The following FARSB variants were observed in gnomAD, a reference collection of about 807,000 sequenced individuals.
The protein encoded by FARSB is phenylalanine--tRNA ligase beta subunit.
FARSB carries 40 observed loss-of-function variants against 69.6 expected under a neutral mutation model. That is an observed-to-expected ratio of 0.57 (90% CI 0.45 to 0.75). FARSB has a LOEUF of 0.75. Ranked by LOEUF, FARSB falls within the 30% of genes least tolerant of loss-of-function variation. FARSB has a pLI of 0.00. For missense variants in FARSB, 632 were observed against 722.9 expected, an observed-to-expected ratio of 0.87 and a Z score of 1.44; for synonymous variants, 235 against 247.2, an observed-to-expected ratio of 0.95 and a Z score of 0.46.
At chr2:222,587,309 T>C (rs1490781381) in intron 16 of FARSB, among the ~76,000 whole-genome samples, 1 of 152,100 alleles carries the variant, frequency 6.6e-6, no homozygotes, top group Non-Finnish European at 1.5e-5. Flanking sequence ...TTGAAACCAA[T>C]GAGAACAAAG....
Position 222,571,978 on chromosome 2 carries a change from C to G in FARSB, c.1663G>C (p.Gly555Arg). 2.5e-6 allele frequency: 4 copies of G among 1,613,820 alleles called. No homozygotes were observed. The South Asian group carries it at 3.3e-5, about 13-fold the overall frequency. Residue 555 changes from glycine (G) to arginine (R), a missense_variant, in exon 17 of 17, where the codon GGT (glycine) becomes CGT (arginine). By Grantham distance (125) the Gly-to-Arg change is moderately radical. Transcript: ENST00000281828. ...ACCCCAAGCTTCCCGACGCTTTGAC[C>G]CCTGGCAAAGATCTCTGCACATCGC... Reference protein sequence around the residue: ...PGRCAEIFARGQSVGKLGVLH... With the variant: ...PGRCAEIFARRQSVGKLGVLH...
intron 15 of FARSB, among the ~76,000 whole-genome samples, chr2:222,601,474 C>A (rs1175141191): frequency 6.6e-6 from 1 of 151,328 alleles, no homozygotes; most frequent in Admixed American, 6.6e-5. Flanking sequence ...ATAAATATAG[C>A]CATAAGCCAA....
chr2:222,628,977 G>A, intron 9 of FARSB, 89 bp from the exon 10 acceptor site: 1 of 899,714 alleles, frequency 1.1e-6, no homozygotes, highest in Non-Finnish European at 1.8e-6. Context: ...CTTTCATTTG[G>A]GCTACAACTA....
At chr2:222,575,011 T>C (rs1186603897) in intron 16 of FARSB, among the ~76,000 whole-genome samples, 2 of 152,168 alleles carry the variant, frequency 1.3e-5, no homozygotes, top group Non-Finnish European at 2.9e-5. Context: ...CAAACCAAAC[T>C]TTGCAGGCAG....
intron 16 of FARSB, among the ~76,000 whole-genome samples, chr2:222,583,650 CTT>C (rs930946870): frequency 1.3e-5 from 2 of 152,102 alleles, no homozygotes; most frequent in Non-Finnish European, 2.9e-5. Context: ...ACAAGTGACT[CTT>C]TGCTATTGAT....
In FARSB at chr2:222,624,445, T is replaced by G; in HGVS notation, c.997A>C (p.Arg333=). 6.2e-7 allele frequency: 1 copy of G among 1,613,454 alleles called. No homozygotes were observed. The highest frequency in any genetic ancestry group is 8.5e-7 in the Non-Finnish European group (1 of 1,179,380). Reference sequence around the variant, plus strand: ...ATGACTTCTGATTTTAAATACATCCTGGTCAGAAGTTTGGCAAGATTTTCT... The same window carrying G: ...ATGACTTCTGATTTTAAATACATCCGGGTCAGAAGTTTGGCAAGATTTTCT... The part of the protein sequence containing the change: ...TPENLAKLLT[R]MYLKSEVIGD... Residue 333 remains arginine, a synonymous_variant, in exon 12 of 17, where the codon AGG becomes CGG. Transcript: ENST00000281828.
intron 13 of FARSB, among the ~76,000 whole-genome samples, chr2:222,622,050 G>A (rs956004004): frequency 1.1e-4 from 17 of 152,184 alleles, no homozygotes; most frequent in Admixed American, 1.0e-3. Flanking sequence ...GGCATGGGCG[G>A]GAATCCCTGA....
rs1281210949 is a variant in FARSB at position 222,617,093 on chromosome 2, C to T, written c.1344+2552G>A. ...TCGGCTCACTGCAAGCTCCGCTTCC[C>T]GGGTTCACGCCATTCTCCTGCCTCA... On this transcript the variant is annotated intron_variant, in intron 14 of 16. Coordinates refer to ENST00000281828, the MANE Select transcript of FARSB (RefSeq NM_005687.5). 4.8e-4 allele frequency among the ~76,000 whole-genome samples: 7 copies of T among 14,536 alleles called. 2 individuals are homozygous for T. The highest frequency in any genetic ancestry group is 2.5e-3 in the East Asian group (6 of 2,356). 9.5% of individuals were successfully genotyped at this position (14,536 alleles called of 152,430 possible).
intron 15 of FARSB, among the ~76,000 whole-genome samples, chr2:222,601,879 G>A (rs1411275296): frequency 6.6e-6 from 1 of 152,110 alleles, no homozygotes; most frequent in Non-Finnish European, 1.5e-5. Context: ...GCCCAGGCTG[G>A]TCTCAAACTC....
chr2:222,615,812 G>A lies in FARSB; in HGVS notation c.1345-1884C>T, dbSNP rs1345468064. ...TCACTATACCAACAAGCTGCTACTC[G>A]CCTTCAACTTGGTGCTTCTTAAATA... is the stretch of plus-strand genomic sequence containing the variant. On this transcript the variant is annotated intron_variant, in intron 14 of 16. Transcript: ENST00000281828. Among the ~76,000 whole-genome samples the A allele has an allele frequency of 4.6e-5, 7 of 152,166 alleles. No individual in the cohort carries two copies. The South Asian group carries it at 1.2e-3, about 27-fold the overall frequency.
chr2:222,586,906 T>C (rs546439889), intron 16 of FARSB, among the ~76,000 whole-genome samples: 3 of 152,234 alleles, frequency 2.0e-5, no homozygotes, highest in South Asian at 2.1e-4. Context: ...ACAATAATAA[T>C]GGGAGGCTTT....
intron 5 of FARSB, among the ~76,000 whole-genome samples, chr2:222,636,501 C>G (rs187081458): frequency 5.6e-4 from 84 of 151,316 alleles, no homozygotes; most frequent in African/African-American, 1.9e-3. Flanking sequence ...TAACTATACC[C>G]AAATTAAAAA....
chr2:222,570,525 C>T lies in FARSB; in HGVS notation c.*1346G>A, dbSNP rs1406506176. On this transcript the variant is annotated 3_prime_UTR_variant, in exon 17 of 17. Coordinates refer to ENST00000281828, the MANE Select transcript of FARSB (RefSeq NM_005687.5). Reference sequence around the variant, plus strand: ...ATTTCACTATCTTTGTTAGCTACTTCTTCTTTTTTTTTTTTGTAGACAGAA... The same window carrying T: ...ATTTCACTATCTTTGTTAGCTACTTTTTCTTTTTTTTTTTTGTAGACAGAA... 2 of 150,746 alleles carry T rather than the reference C, an allele frequency of 1.3e-5. No homozygotes were observed. The highest frequency in any genetic ancestry group is 6.6e-5 in the Admixed American group (1 of 15,090). 9.3% of individuals were successfully genotyped at this position (150,746 alleles called of 1,614,324 possible). A position where few individuals can be genotyped will look rare whatever the true frequency, so the allele number is the denominator to read the frequency against.
At chr2:222,582,240 A>C (rs1689988023) in intron 16 of FARSB, among the ~76,000 whole-genome samples, 2 of 152,230 alleles carry the variant, frequency 1.3e-5, no homozygotes, top group South Asian at 4.1e-4. Context: ...CAGAGAAGTC[A>C]AAAGAAAGGA....
intron 2 of FARSB, among the ~76,000 whole-genome samples, chr2:222,645,014 T>A (rs372065466): frequency 6.6e-6 from 1 of 150,722 alleles, no homozygotes; most frequent in African/African-American, 2.4e-5. Flanking sequence ...GAAGCTTACA[T>A]CTTCTTTCAG....
chr2:222,623,585 A>C (rs949138488), intron 13 of FARSB, 65 bp downstream of exon 13: 4 of 895,936 alleles, frequency 4.5e-6, no homozygotes, highest in Non-Finnish European at 7.6e-6. Flanking sequence ...AAAGCATCAT[A>C]GAATAAATAA....
chr2:222,639,730 G>C (rs1691669647), intron 4 of FARSB, 35 bp from the exon 5 acceptor site: 1 of 1,015,634 alleles, frequency 9.8e-7, no homozygotes, highest in African/African-American at 1.6e-5. Context: ...ATAGCAAACA[G>C]TAAGGCTTTT....
At chr2:222,593,083 G>T (rs1464332144) in intron 16 of FARSB, among the ~76,000 whole-genome samples, 1 of 152,032 alleles carries the variant, frequency 6.6e-6, no homozygotes, top group East Asian at 1.9e-4. Flanking sequence ...TCCATCGGGG[G>T]TCTTGGAATG....
intron 2 of FARSB, chr2:222,644,436 G>A (rs184904382): frequency 9.1e-5 from 38 of 419,186 alleles, no homozygotes; most frequent in African/African-American, 5.7e-4. Flanking sequence ...GGGGAATGGG[G>A]AGAGGCAAAA....
Sources: gnomAD v4.1 joint callset for allele counts (sites outside exome capture counted in the v4.1 genomes callset) on GRCh38, gnomAD v4.1.1 for gene constraint, MANE v1.5 for transcripts, NCBI Gene and HGNC (gene_info 2026-07-23, HGNC 2026-07-21) for gene names.